TRIM15: variants seen among roughly 807,000 people sequenced by gnomAD.
The protein encoded by TRIM15 is tripartite motif containing 15.
A neutral mutation model predicts 35.8 loss-of-function variants in TRIM15; 35 were observed. The ratio of observed to expected loss-of-function variants is 0.98; its 90% CI spans 0.75 to 1.30. TRIM15 has a LOEUF of 1.30. Ranked by LOEUF, TRIM15 falls within the 50% of genes most tolerant of loss-of-function variation. The pLI is 0.00. For synonymous variants in TRIM15, 252 were observed against 249.8 expected (o/e 1.01, Z -0.08); for missense variants, 590 against 593.5 (o/e 0.99, Z 0.06).
intron 4 of TRIM15, chr6:30,169,529 A>T: frequency 1.4e-6 from 1 of 690,546 alleles, no homozygotes; most frequent in Non-Finnish European, 2.6e-6. Flanking sequence ...TTTTAGGTTG[A>T]TCCAGGAACA....
chr6:30,170,763 G>A (rs902038869), intron 5 of TRIM15, 147 bp downstream of exon 5: 17 of 773,706 alleles, frequency 2.2e-5, no homozygotes, highest in Non-Finnish European at 3.5e-5. Context: ...ATTTATTCAG[G>A]GGCACTATTC....
In TRIM15 at chr6:30,163,998, G is replaced by A; in HGVS notation, c.314G>A (p.Cys105Tyr). ...GATGCCGAGTTCCTCTGTGTGTTCT[G>A]CAGGGAGGGTCCCACGCACCAGGCG... Reference protein sequence around the residue: ...ENDAEFLCVFCREGPTHQAHT... With the variant: ...ENDAEFLCVFYREGPTHQAHT... The change falls in exon 1 of 7, where the codon TGC becomes TAC. Residue 105 changes from cysteine to tyrosine, a missense_variant. By Grantham distance (194) the Cys-to-Tyr change is radical (BLOSUM62 -2). Coordinates refer to ENST00000376694, the MANE Select transcript of TRIM15 (RefSeq NM_033229.3). 4 of 1,613,122 alleles carry A rather than the reference G, an allele frequency of 2.5e-6. No homozygotes were observed. Among genetic ancestry groups the A allele is most frequent in the Non-Finnish European group, 3.4e-6 (4 of 1,180,032 alleles).
chr6:30,170,462 T>G, intron 4 of TRIM15, 39 bp from the exon 5 acceptor site: 2 of 1,440,942 alleles, frequency 1.4e-6, no homozygotes, highest in East Asian at 2.3e-5. Flanking sequence ...CATTTGTTTT[T>G]GGAATTTGGA....
intron 6 of TRIM15, among the ~76,000 whole-genome samples, chr6:30,171,324 G>A (rs1303506806): frequency 6.6e-6 from 1 of 152,204 alleles, no homozygotes. Flanking sequence ...TACTTGTGTA[G>A]ATATTACTCG....
rs572883161 is a variant in TRIM15, at chr6:30,167,903, C to A, written c.478-397C>A. Among the ~76,000 whole-genome samples the A allele has an allele frequency of 2.8e-3, 423 of 152,264 alleles. 1 individual carries two copies. Among genetic ancestry groups the A allele is most frequent in the African/African-American group, 9.9e-3 (411 of 41,542 alleles). On this transcript the variant is annotated intron_variant, in intron 2 of 6. Transcript: ENST00000376694. ...TAGTTGGTGATTTCCACGGCTAAAA[C>A]CAAAATTACACACTCTCCCACTAAG... is the stretch of plus-strand genomic sequence containing the variant.
chr6:30,167,811 C>T (rs1252867250), intron 2 of TRIM15, among the ~76,000 whole-genome samples: 1 of 152,114 alleles, frequency 6.6e-6, no homozygotes. Flanking sequence ...GTACCTTGAC[C>T]AAGGAGAGAG....
rs910356246 is a variant in TRIM15 at position 30,172,675 on chromosome 6, T to C, written c.*326T>C. Reference sequence around the variant, plus strand: ...AAAGAAAAAGACATCTAAAATAAAATGTTTAAACTGTTTCAAAATAATTAT... The same window carrying C: ...AAAGAAAAAGACATCTAAAATAAAACGTTTAAACTGTTTCAAAATAATTAT... On this transcript the variant is annotated 3_prime_UTR_variant, in exon 7 of 7. Coordinates refer to ENST00000376694, the MANE Select transcript of TRIM15 (RefSeq NM_033229.3). 5.6e-6 allele frequency: 3 copies of C among 534,832 alleles called. No individual in the cohort carries two copies. Among genetic ancestry groups the C allele is most frequent in the Non-Finnish European group, 1.0e-5 (3 of 288,846 alleles). 33.1% of individuals were successfully genotyped at this position (534,832 alleles called of 1,614,324 possible). A position where few individuals can be genotyped will look rare whatever the true frequency, so the allele number is the denominator to read the frequency against.
In TRIM15 at chr6:30,172,024, G is replaced by A; in HGVS notation, c.1073G>A (p.Gly358Asp). The A allele has an allele frequency of 1.9e-6, 3 of 1,572,454 alleles. No individual in the cohort carries two copies. In the South Asian group the frequency reaches 3.5e-5, roughly 18 times the overall value. The change falls in exon 7 of 7, where the codon GGC (glycine) becomes GAC (aspartate). Residue 358 changes from glycine to aspartate, a missense_variant. Gly to Asp is a moderately conservative substitution (Grantham distance 94). Transcript: ENST00000376694. The part of the protein sequence containing the change: ...RHRWQVDLQL[G>D]DGGGCTVGVA... ...CGCTGGCAGGTTGACCTGCAGCTGG[G>A]CGACGGCGGCGGCTGCACGGTGGGG...
intron 3 of TRIM15, 56 bp from the exon 4 acceptor site, chr6:30,169,185 C>A (rs926802064): frequency 6.2e-7 from 1 of 1,607,140 alleles, no homozygotes; most frequent in South Asian, 1.1e-5. Context: ...TGTACAGAAT[C>A]CCTGACAGGA....
chr6:30,170,317 T>G, intron 4 of TRIM15, 184 bp from the exon 5 acceptor site: 1 of 572,550 alleles, frequency 1.7e-6, no homozygotes, highest in Non-Finnish European at 3.1e-6. Flanking sequence ...CTCTTAGGTT[T>G]AACTGAAATG....
rs778657864 is a variant in TRIM15 at position 30,168,386 on chromosome 6, G to A, written c.564G>A (p.Leu188=). The A allele has an allele frequency of 8.1e-6, 13 of 1,613,026 alleles. No homozygotes were observed. The highest frequency in any genetic ancestry group is 1.6e-4 in the Middle Eastern group (1 of 6,062). ...TGGAGCAGCAGCGATGTCTCCTGCT[G>A]GCCAGGCTGAGGGAGCTGGAGCAGC... ...QELEQQRCLL[L]ARLRELEQQI... The change falls in exon 3 of 7, where the codon CTG becomes CTA. Residue 188 remains leucine (L), a synonymous_variant. Coordinates refer to ENST00000376694, the MANE Select transcript of TRIM15 (RefSeq NM_033229.3).
chr6:30,168,282 G>T lies in TRIM15; in HGVS notation c.478-18G>T, dbSNP rs1419938424. On this transcript the variant is annotated intron_variant, in intron 2 of 6. Coordinates refer to ENST00000376694, the MANE Select transcript of TRIM15 (RefSeq NM_033229.3). Reference sequence around the variant, plus strand: ...TCTGAGCCCCTTCCTAACCATGTCTGCCTTTTATCCCTTGAAGACTCAGAT... The same window carrying T: ...TCTGAGCCCCTTCCTAACCATGTCTTCCTTTTATCCCTTGAAGACTCAGAT... 6.2e-7 allele frequency: 1 copy of T among 1,606,692 alleles called. No individual in the cohort carries two copies. Among genetic ancestry groups the T allele is most frequent in the Non-Finnish European group, 8.5e-7 (1 of 1,175,914 alleles).
At position 30,163,596 on chromosome 6, in the gene TRIM15, C is replaced by G. The variant is rs1258155769; in HGVS notation, c.-89C>G. 1.4e-6 allele frequency: 2 copies of G among 1,421,800 alleles called. No individual in the cohort carries two copies. The highest frequency in any genetic ancestry group is 2.9e-5 in the African/African-American group (2 of 68,500). The allele number at this position is 1,421,800 out of a possible 1,614,324, so 88.1% of individuals were successfully genotyped here. On this transcript the variant is annotated 5_prime_UTR_variant, in exon 1 of 7. Coordinates refer to ENST00000376694, the MANE Select transcript of TRIM15 (RefSeq NM_033229.3). ...TTAGCCTTGCAGCCGTTTCCCTCTG[C>G]GATTCATGTAAGTGTGACTCGATTT...
At position 30,171,035 on chromosome 6, in the gene TRIM15, A is replaced by G. The variant is rs1308998412; in HGVS notation, c.880+27A>G. On this transcript the variant is annotated intron_variant, in intron 6 of 6. Coordinates refer to ENST00000376694, the MANE Select transcript of TRIM15 (RefSeq NM_033229.3). Reference sequence around the variant, plus strand: ...TAAACAGCTTGGGATTTGGGGAGTCATTCTTCCATTCATCCATTCAATCCA... The same window carrying G: ...TAAACAGCTTGGGATTTGGGGAGTCGTTCTTCCATTCATCCATTCAATCCA... 6.2e-6 allele frequency: 10 copies of G among 1,606,848 alleles called. No homozygotes were observed. In the African/African-American group the frequency reaches 8.0e-5, roughly 13 times the overall value.
intron 1 of TRIM15, among the ~76,000 whole-genome samples, chr6:30,165,277 C>T (rs561427064): frequency 2.6e-5 from 4 of 152,252 alleles, no homozygotes; most frequent in Non-Finnish European, 4.4e-5. Context: ...TGACAGGCCC[C>T]GATGTGTGAT....
intron 1 of TRIM15, 95 bp from the exon 2 acceptor site, chr6:30,167,081 C>A (rs1301127691): frequency 7.2e-6 from 8 of 1,107,922 alleles, no homozygotes; most frequent in Non-Finnish European, 9.5e-6. Flanking sequence ...TTGAACCCCT[C>A]AGCACTCAAC....
At position 30,163,927 on chromosome 6, in the gene TRIM15, T is replaced by G. The variant is rs765993537; in HGVS notation, c.243T>G (p.Thr81=). Residue 81 remains threonine, a synonymous_variant, in exon 1 of 7, where the codon ACT becomes ACG. Coordinates refer to ENST00000376694, the MANE Select transcript of TRIM15 (RefSeq NM_033229.3). ...APVPLGPLGE[T]YCEEHGEKIY... is the part of the protein sequence containing the mutation. ...TGCCCCTGGGCCCGCTGGGAGAAAC[T>G]TACTGCGAGGAGCACGGCGAGAAGA... The G allele has an allele frequency of 1.2e-6, 2 of 1,612,972 alleles. No individual in the cohort carries two copies. The highest frequency in any genetic ancestry group is 1.7e-6 in the Non-Finnish European group (2 of 1,180,036).
chr6:30,163,901 G>A lies in TRIM15; in HGVS notation c.217G>A (p.Val73Met), dbSNP rs1773375839. The change falls in exon 1 of 7, where the codon GTG becomes ATG. Residue 73 changes from valine to methionine, a missense_variant. Transcript: ENST00000376694. ...EEQAETPMAP[V>M]PLGPLGETYC... ...GCAGGCAGAGACTCCCATGGCCCCT[G>A]TGCCCCTGGGCCCGCTGGGAGAAAC... 1.9e-6 allele frequency: 3 copies of A among 1,612,962 alleles called. No individual in the cohort carries two copies. The highest frequency in any genetic ancestry group is 2.7e-5 in the African/African-American group (2 of 74,950).
rs11961941 is a variant in TRIM15 at position 30,163,750 on chromosome 6, G to T, written c.66G>T (p.Pro22=). 0.017 allele frequency: 27,245 copies of T among 1,612,896 alleles called. 431 individuals are homozygous for T. Among genetic ancestry groups the T allele is most frequent in the African/African-American group, 0.073 (5,485 of 75,012 alleles). Residue 22 remains proline (P), a synonymous_variant, in exon 1 of 7, where the codon CCG becomes CCT. Coordinates refer to ENST00000376694, the MANE Select transcript of TRIM15 (RefSeq NM_033229.3). The part of the protein sequence containing the change: ...ELPACTLCAG[P]LEDAVTIPCG... ...CTGCCTGTACCCTCTGTGCGGGGCC[G>T]CTGGAGGATGCGGTGACCATTCCCT... is the stretch of plus-strand genomic sequence containing the variant.
Sources: gnomAD v4.1 joint callset for allele counts (sites outside exome capture counted in the v4.1 genomes callset) on GRCh38, gnomAD v4.1.1 for gene constraint, MANE v1.5 for transcripts, NCBI Gene and HGNC (gene_info 2026-07-23, HGNC 2026-07-21) for gene names.